MEIS1: variants seen among roughly 807,000 people sequenced by gnomAD.
MEIS1 encodes homeobox protein Meis1.
MEIS1 carries 5 observed loss-of-function variants against 50.8 expected under a neutral mutation model. That is an observed-to-expected ratio of 0.10 (90% CI 0.05 to 0.21). MEIS1 has a LOEUF of 0.21. MEIS1 is among the 10% of genes least tolerant of loss of function. The pLI, the probability that MEIS1 is intolerant of heterozygous loss-of-function variation, is 1.00. For missense variants in MEIS1, 318 were observed against 517.3 expected (o/e 0.61, Z 3.74); for synonymous variants, 176 against 179.3 (o/e 0.98, Z 0.15).
At chr2:66,460,588 A>C (rs1453821353) in intron 6 of MEIS1, among the ~76,000 whole-genome samples, 1 of 152,236 alleles carries the variant, frequency 6.6e-6, no homozygotes, top group Admixed American at 6.5e-5. Flanking sequence ...AGAAGAACTT[A>C]CTGATGGAGT....
intron 9 of MEIS1, among the ~76,000 whole-genome samples, chr2:66,556,585 C>G (rs953497080): frequency 6.7e-6 from 1 of 149,786 alleles, no homozygotes; most frequent in African/African-American, 2.5e-5. Flanking sequence ...TGTAAGTTTT[C>G]AGTATTTTTA....
chr2:66,499,508 G>C (rs72895164), intron 7 of MEIS1, among the ~76,000 whole-genome samples: 1,838 of 152,020 alleles, frequency 0.012, 33 homozygotes, highest in African/African-American at 0.042. Context: ...CCTTCTTACA[G>C]GAAAGCAGAA....
intron 6 of MEIS1, 116 bp downstream of exon 6, chr2:66,443,164 T>C: frequency 4.2e-6 from 5 of 1,196,584 alleles, no homozygotes; most frequent in Non-Finnish European, 5.6e-6. Flanking sequence ...CCCTTTTAGA[T>C]ACATTTCCAT....
At chr2:66,457,257 GA>G (rs1317077176) in intron 6 of MEIS1, among the ~76,000 whole-genome samples, 1 of 150,956 alleles carries the variant, frequency 6.6e-6, no homozygotes, top group Non-Finnish European at 1.5e-5. Context: ...AGTATGTTTT[GA>G]GAGGAGCAGG....
At chr2:66,449,258 C>T (rs1290315082) in intron 6 of MEIS1, among the ~76,000 whole-genome samples, 3 of 152,020 alleles carry the variant, frequency 2.0e-5, no homozygotes, top group Non-Finnish European at 2.9e-5. Flanking sequence ...GAATGTAATA[C>T]CTGTATAAAA....
rs374676441 is a variant in MEIS1 at position 66,522,592 on chromosome 2, TAAATG to T, written c.888+10302_888+10306del. On this transcript the variant is annotated intron_variant, in intron 8 of 12. Transcript: ENST00000272369. ...GTTTAATTGAACAAGGAATGAGTAG[TAAATG>T]AAAGCTGCTGCCTGAAATCCCACTG... 1.8e-4 allele frequency among the ~76,000 whole-genome samples: 27 copies of T among 152,320 alleles called. No individual in the cohort carries two copies. In the East Asian group the frequency reaches 4.8e-3, roughly 27 times the overall value.
At chr2:66,562,264 G>A (rs1337519444) in intron 9 of MEIS1, 3 of 151,282 alleles carry the variant, frequency 2.0e-5, no homozygotes, top group Non-Finnish European at 2.9e-5. Context: ...AAGAGACCAG[G>A]GAAAGGAGTG....
intron 7 of MEIS1, among the ~76,000 whole-genome samples, chr2:66,502,248 A>C (rs920521462): frequency 6.6e-6 from 1 of 152,182 alleles, no homozygotes; most frequent in Non-Finnish European, 1.5e-5. Flanking sequence ...AAATATAGGC[A>C]GGGGTAAATG....
intron 7 of MEIS1, among the ~76,000 whole-genome samples, chr2:66,488,016 G>T (rs1163269593): frequency 6.6e-6 from 1 of 152,160 alleles, no homozygotes; most frequent in African/African-American, 2.4e-5. Flanking sequence ...GAATATCTGG[G>T]TGCAAAGTGG....
At chr2:66,502,202 G>A (rs1673573771) in intron 7 of MEIS1, among the ~76,000 whole-genome samples, 1 of 152,086 alleles carries the variant, frequency 6.6e-6, no homozygotes. Context: ...AATTCCTGTG[G>A]AAAAACTTGA....
intron 8 of MEIS1, among the ~76,000 whole-genome samples, chr2:66,515,804 A>G (rs1165962618): frequency 6.6e-6 from 1 of 152,212 alleles, no homozygotes. Flanking sequence ...GAAAGAAAAT[A>G]AAGGCATTTA....
At chr2:66,496,393 G>A (rs1339788515) in intron 7 of MEIS1, among the ~76,000 whole-genome samples, 1 of 152,028 alleles carries the variant, frequency 6.6e-6, no homozygotes, top group Admixed American at 6.6e-5. Context: ...TCTCCTGTGA[G>A]CTTGGTCTCT....
intron 8 of MEIS1, among the ~76,000 whole-genome samples, chr2:66,542,307 T>G (rs1309263891): frequency 1.3e-5 from 2 of 151,408 alleles, no homozygotes; most frequent in Non-Finnish European, 2.9e-5. Context: ...TTAAAGGGAG[T>G]ATCTCCCCAT....
intron 8 of MEIS1, among the ~76,000 whole-genome samples, chr2:66,513,123 A>T (rs182464749): frequency 6.6e-6 from 1 of 152,174 alleles, no homozygotes; most frequent in African/African-American, 2.4e-5. Flanking sequence ...TACAATGAAG[A>T]TTTGTGGATA....
chr2:66,540,295 A>C (rs1674620248), intron 8 of MEIS1, among the ~76,000 whole-genome samples: 1 of 152,162 alleles, frequency 6.6e-6, no homozygotes, highest in African/African-American at 2.4e-5. Context: ...ATCTACTCCC[A>C]AGGGCCTCCT....
chr2:66,455,881 C>T (rs536114792), intron 6 of MEIS1, among the ~76,000 whole-genome samples: 3 of 152,272 alleles, frequency 2.0e-5, no homozygotes, highest in African/African-American at 4.8e-5. Context: ...TTATGCCTTA[C>T]GTATGTGATA....
rs1165608011 is a variant in MEIS1, at chr2:66,547,924, CT to C, written c.889-13del. On this transcript the variant is annotated intron_variant, in intron 8 of 12. Coordinates refer to ENST00000272369, the MANE Select transcript of MEIS1 (RefSeq NM_002398.3). ...TAAATATTGCCTGATGCACACGTATCTTTTTTATTCTCTTTCAGCACCCTTA... is the reference window on the plus strand; with the variant it reads ...TAAATATTGCCTGATGCACACGTATCTTTTTATTCTCTTTCAGCACCCTTA... 2 of 1,612,446 alleles carry C rather than the reference CT, an allele frequency of 1.2e-6. No individual in the cohort carries two copies. The highest frequency in any genetic ancestry group is 1.7e-5 in the Admixed American group (1 of 59,880).
intron 7 of MEIS1, among the ~76,000 whole-genome samples, chr2:66,468,689 T>G (rs997173103): frequency 1.3e-5 from 2 of 152,168 alleles, no homozygotes; most frequent in Non-Finnish European, 2.9e-5. Flanking sequence ...TGACAGACAT[T>G]CTTTCTGTTA....
chr2:66,556,963 T>A (rs1206288493), intron 9 of MEIS1, among the ~76,000 whole-genome samples: 1 of 152,114 alleles, frequency 6.6e-6, no homozygotes, highest in Non-Finnish European at 1.5e-5. Flanking sequence ...ATAAGAAGCA[T>A]GTCACAATCA....
Sources: allele counts gnomAD v4.1 joint callset (sites outside exome capture counted in the v4.1 genomes callset), GRCh38; gene constraint gnomAD v4.1.1; transcripts MANE v1.5; gene names NCBI Gene and HGNC (gene_info 2026-07-23, HGNC 2026-07-21).